The following TRAK1 variants were observed in gnomAD, a reference collection of about 807,000 sequenced individuals.
TRAK1 encodes trafficking kinesin protein 1.
TRAK1 carries 33 observed loss-of-function variants against 92.1 expected under a neutral mutation model. The ratio of observed to expected loss-of-function variants is 0.36; its 90% confidence interval spans 0.27 to 0.48. TRAK1 has a LOEUF of 0.48. TRAK1 is among the 20% of genes least tolerant of loss of function. The pLI, the probability that TRAK1 is intolerant of heterozygous loss-of-function variation, is 0.99. For missense variants in TRAK1, 1,123 were observed against 1,257.9 expected (o/e 0.89, Z 1.62); for synonymous variants, 521 against 517.3 (o/e 1.01, Z -0.10).
At chr3:42,143,161 T>A (rs1576591318) in intron 2 of TRAK1, among the ~76,000 whole-genome samples, 1 of 152,206 alleles carries the variant, frequency 6.6e-6, no homozygotes, top group East Asian at 1.9e-4. Flanking sequence ...TTGTTTGTTT[T>A]TAATATCATG....
intron 1 of TRAK1, among the ~76,000 whole-genome samples, chr3:42,031,202 A>AT (rs66480023): frequency 0.13 from 18,754 of 149,994 alleles, 1,533 homozygotes; most frequent in Middle Eastern, 0.25. Flanking sequence ...TGCCTGGCTA[A>AT]TTTTTTTTGT....
chr3:42,069,936 C>G (rs1056404147), intron 1 of TRAK1, among the ~76,000 whole-genome samples: 1 of 151,774 alleles, frequency 6.6e-6, no homozygotes, highest in Non-Finnish European at 1.5e-5. Flanking sequence ...ACTGCAACTG[C>G]TGCCTCCCGG....
chr3:42,063,261 G>C (rs567822736), intron 1 of TRAK1, among the ~76,000 whole-genome samples: 4 of 152,350 alleles, frequency 2.6e-5, no homozygotes, highest in Admixed American at 1.3e-4. Context: ...ATTATTTTCC[G>C]CTTCGCGGGA....
chr3:42,107,172 A>G (rs550717013), intron 1 of TRAK1, among the ~76,000 whole-genome samples: 15 of 152,312 alleles, frequency 9.8e-5, no homozygotes, highest in African/African-American at 3.4e-4. Context: ...GAGTCTAATC[A>G]TAAACATTGG....
intron 1 of TRAK1, among the ~76,000 whole-genome samples, chr3:42,042,664 CCCA>C (rs10544124): frequency 0.11 from 17,469 of 152,162 alleles, 3,115 homozygotes; most frequent in African/African-American, 0.37. Context: ...AGCCACCGCG[CCCA>C]GCCTGGAACT....
intron 1 of TRAK1, among the ~76,000 whole-genome samples, chr3:42,113,834 G>A (rs758582790): frequency 8.5e-5 from 13 of 152,184 alleles, no homozygotes; most frequent in Non-Finnish European, 1.5e-4. Context: ...GATTACATAC[G>A]TGAGCCACTG....
chr3:42,137,767 T>A (rs1032064979), intron 2 of TRAK1, among the ~76,000 whole-genome samples: 2 of 152,208 alleles, frequency 1.3e-5, no homozygotes, highest in African/African-American at 4.8e-5. Flanking sequence ...CAAGTGCCTC[T>A]GAGAGGAGAG....
In TRAK1 at chr3:42,218,197, T is replaced by C. The variant is rs1361988808; in HGVS notation, c.1964-1297T>C. 16 of 985,306 alleles carry C rather than the reference T, an allele frequency of 1.6e-5. No individual in the cohort carries two copies. In the East Asian group the frequency reaches 1.7e-3, roughly 105 times the overall value. The allele number at this position is 985,306 out of a possible 1,614,324, so 61.0% of individuals were successfully genotyped here. On this transcript the variant is annotated intron_variant, in intron 14 of 15. Transcript: ENST00000327628. ...TCTCCAGCATTTATTTTTTTGTTTG[T>C]GTCATCGGGTTCCTGGTTTTCTTTT...
At chr3:42,042,527 A>G (rs1305755443) in intron 1 of TRAK1, among the ~76,000 whole-genome samples, 4 of 151,618 alleles carry the variant, frequency 2.6e-5, no homozygotes, top group African/African-American at 7.3e-5. Flanking sequence ...ATGCACCACC[A>G]TACCTGGCTA....
rs1488343001 is a variant in TRAK1 at position 42,150,608 on chromosome 3, A to T, written c.286+24994A>T. Among the ~76,000 whole-genome samples the T allele has an allele frequency of 2.0e-5, 3 of 152,260 alleles. No homozygotes were observed. In the East Asian group the frequency reaches 5.8e-4, roughly 29 times the overall value. On this transcript the variant is annotated intron_variant, in intron 2 of 15. Coordinates refer to ENST00000327628, the MANE Select transcript of TRAK1 (RefSeq NM_001042646.3). ...TTCAGAATGCTCTATTCCTGACTAC[A>T]TTTGATTAACCTGAATGATGTAACA...
At chr3:42,072,379 C>G (rs936986435) in intron 1 of TRAK1, among the ~76,000 whole-genome samples, 6 of 151,908 alleles carry the variant, frequency 3.9e-5, no homozygotes, top group Non-Finnish European at 5.9e-5. Flanking sequence ...AAGCTCTGCT[C>G]GTAAAGGTTC....
upstream of TRAK1, among the ~76,000 whole-genome samples, chr3:42,090,515 G>GTC (rs1220997991): frequency 2.6e-5 from 4 of 152,232 alleles, no homozygotes; most frequent in African/African-American, 9.6e-5. Flanking sequence ...GTGAAACCCC[G>GTC]TCTCTACTAA....
intron 2 of TRAK1, among the ~76,000 whole-genome samples, chr3:42,159,832 A>G (rs1701036735): frequency 6.6e-6 from 1 of 152,152 alleles, no homozygotes; most frequent in Non-Finnish European, 1.5e-5. Context: ...CGCCCACAGG[A>G]AGTCTCTCAT....
At chr3:42,024,891 C>T (rs954527594) in intron 1 of TRAK1, among the ~76,000 whole-genome samples, 1 of 152,134 alleles carries the variant, frequency 6.6e-6, no homozygotes, top group African/African-American at 2.4e-5. Flanking sequence ...GTGAGAGATC[C>T]CAGATTTTTC....
intron 1 of TRAK1, among the ~76,000 whole-genome samples, chr3:42,059,264 T>A (rs1438173336): frequency 2.6e-5 from 4 of 152,216 alleles, no homozygotes; most frequent in African/African-American, 7.2e-5. Flanking sequence ...TGGCTAATTT[T>A]AAAAAATTTT....
At chr3:42,052,398 T>C (rs1703018550) in intron 1 of TRAK1, among the ~76,000 whole-genome samples, 1 of 152,202 alleles carries the variant, frequency 6.6e-6, no homozygotes, top group Admixed American at 6.5e-5. Context: ...GTTTAGATGA[T>C]CTTGTAGACT....
At chr3:42,189,875 A>C (rs1399695587) in intron 6 of TRAK1, among the ~76,000 whole-genome samples, 2 of 152,216 alleles carry the variant, frequency 1.3e-5, no homozygotes, top group African/African-American at 4.8e-5. Flanking sequence ...GGTTGAGCTG[A>C]GGCAACTTGG....
At chr3:42,150,642 CCTGGCCT>C (rs1254042289) in intron 2 of TRAK1, among the ~76,000 whole-genome samples, 77 of 152,248 alleles carry the variant, frequency 5.1e-4, no homozygotes, top group Middle Eastern at 3.4e-3. Context: ...CAGGCTGGGA[CCTGGCCT>C]AGTTAGTAAA....
chr3:42,212,201 A>G (rs900937194), intron 14 of TRAK1: 2 of 985,326 alleles, frequency 2.0e-6, no homozygotes, highest in Non-Finnish European at 2.4e-6. Context: ...TTCATGGGGA[A>G]GGCATGGGGC....
Sources: allele counts gnomAD v4.1 joint callset (sites outside exome capture counted in the v4.1 genomes callset), GRCh38; gene constraint gnomAD v4.1.1; transcripts MANE v1.5; gene names NCBI Gene and HGNC (gene_info 2026-07-23, HGNC 2026-07-21).